Variants in FECH observed in about 807,000 individuals in gnomAD.
FECH encodes ferrochelatase.
FECH carries 40 observed loss-of-function variants against 56.9 expected under a neutral mutation model. The observed-to-expected ratio is 0.70, with a 90% CI of 0.55 to 0.92. The LOEUF (loss-of-function observed/expected upper bound fraction) is 0.92. FECH is among the 40% of genes least tolerant of loss of function. The pLI, the probability that FECH is intolerant of heterozygous loss-of-function variation, is 0.00. For missense variants in FECH, 431 were observed against 529.1 expected (o/e 0.81, Z 1.82); for synonymous variants, 175 against 198.6 (o/e 0.88, Z 1.00).
intron 1 of FECH, among the ~76,000 whole-genome samples, chr18:57,585,373 C>A (rs2051352602): frequency 6.6e-6 from 1 of 152,190 alleles, no homozygotes. Context: ...ACCTAGACTA[C>A]AAATAATTTA....
At chr18:57,572,559 A>G (rs1226935238) in intron 3 of FECH, among the ~76,000 whole-genome samples, 1 of 116,592 alleles carries the variant, frequency 8.6e-6, no homozygotes, top group Non-Finnish European at 1.7e-5. Context: ...AATATAGTAC[A>G]TAAGTACCTT....
intron 1 of FECH, 61 bp downstream of exon 1, chr18:57,586,493 G>A: frequency 2.7e-6 from 4 of 1,493,696 alleles, no homozygotes; most frequent in East Asian, 2.6e-5. Context: ...CCAGCTGCCC[G>A]CTCTGCCCAC....
intron 5 of FECH, 64 bp from the exon 6 acceptor site, chr18:57,563,044 C>T (rs865874962): frequency 1.1e-5 from 14 of 1,315,908 alleles, no homozygotes; most frequent in Admixed American, 1.9e-5. Context: ...AAAACAGACT[C>T]GTAAAGGTAG....
chr18:57,553,140 C>T (rs950211179), intron 9 of FECH, among the ~76,000 whole-genome samples: 1 of 152,104 alleles, frequency 6.6e-6, no homozygotes, highest in African/African-American at 2.4e-5. Flanking sequence ...TATATTTTCA[C>T]TGAAGTTTTA....
At chr18:57,564,698 A>C (rs1299698990) in intron 5 of FECH, among the ~76,000 whole-genome samples, 1 of 152,256 alleles carries the variant, frequency 6.6e-6, no homozygotes, top group Non-Finnish European at 1.5e-5. Context: ...AAGGTTCAGA[A>C]ACAATCTCTC....
intron 5 of FECH, among the ~76,000 whole-genome samples, chr18:57,563,449 G>A (rs571949654): frequency 2.0e-4 from 30 of 151,824 alleles, no homozygotes; most frequent in Non-Finnish European, 3.5e-4. Flanking sequence ...AGGCATGGTG[G>A]TGCACCTGTA....
rs1034082848 is a variant in FECH, at chr18:57,546,048, A to G, written c.*4664T>C. 3.9e-5 allele frequency among the ~76,000 whole-genome samples: 6 copies of G among 152,176 alleles called. No individual in the cohort carries two copies. The highest frequency in any genetic ancestry group is 1.2e-4 in the African/African-American group (5 of 41,440). ...CTATTAAAAATTGAGAAGCTGAATA[A>G]TCTTAATTTAGGGCATTAGTTTCCG... On this transcript the variant is annotated 3_prime_UTR_variant, in exon 11 of 11. Coordinates refer to ENST00000262093, the MANE Select transcript of FECH (RefSeq NM_000140.5).
chr18:57,556,644 C>T (rs2050870965), intron 7 of FECH, among the ~76,000 whole-genome samples: 1 of 152,140 alleles, frequency 6.6e-6, no homozygotes, highest in South Asian at 2.1e-4. Context: ...GGCGTGGCGC[C>T]TCACACCTAC....
Position 57,554,828 on chromosome 18 carries a change from G to A in FECH, c.912+17C>T. ...ACCAATAAGAGCTGGCCGCCCGCCA[G>A]TGTGGAAGCCACTTACCTTGGATTG... On this transcript the variant is annotated intron_variant, in intron 8 of 10. Coordinates refer to ENST00000262093, the MANE Select transcript of FECH (RefSeq NM_000140.5). 1 of 1,602,482 alleles carries A rather than the reference G, an allele frequency of 6.2e-7. No individual in the cohort carries two copies. The highest frequency in any genetic ancestry group is 8.6e-7 in the Non-Finnish European group (1 of 1,169,276).
rs2050771738 is a variant in FECH at position 57,549,716 on chromosome 18, AC to A, written c.*995del. ...TAACAGTTATTGCATTAAAGTGGTT[AC>A]TTTTCTGTATTCTTCACATGTCCCA... is the stretch of plus-strand genomic sequence containing the variant. On this transcript the variant is annotated 3_prime_UTR_variant, in exon 11 of 11. Transcript: ENST00000262093. 1 of 152,250 alleles carries A rather than the reference AC, an allele frequency of 6.6e-6. No homozygotes were observed. Among genetic ancestry groups the A allele is most frequent in the African/African-American group, 2.4e-5 (1 of 41,468 alleles). 9.4% of individuals were successfully genotyped at this position (152,250 alleles called of 1,614,324 possible). A position where few individuals can be genotyped will look rare whatever the true frequency, so the allele number is the denominator to read the frequency against.
At chr18:57,581,101 G>A (rs1181188805) in intron 1 of FECH, among the ~76,000 whole-genome samples, 1 of 152,194 alleles carries the variant, frequency 6.6e-6, no homozygotes, top group Admixed American at 6.5e-5. Flanking sequence ...TCAGTCAGAG[G>A]CAACTCTCCA....
intron 4 of FECH, among the ~76,000 whole-genome samples, chr18:57,567,073 G>C (rs898482721): frequency 6.6e-6 from 1 of 151,988 alleles, no homozygotes; most frequent in Non-Finnish European, 1.5e-5. Context: ...TGGAATTAGA[G>C]CCTGGGTCTC....
chr18:57,551,698 T>G (rs2050800286), intron 9 of FECH, among the ~76,000 whole-genome samples: 1 of 152,226 alleles, frequency 6.6e-6, no homozygotes, highest in Non-Finnish European at 1.5e-5. Flanking sequence ...ACCATTCTTT[T>G]TTTATTCTCT....
intron 6 of FECH, among the ~76,000 whole-genome samples, chr18:57,562,372 T>C (rs2050956279): frequency 6.6e-6 from 1 of 152,176 alleles, no homozygotes; most frequent in Non-Finnish European, 1.5e-5. Context: ...TAAATATAAA[T>C]TGCATAGAAG....
At position 57,554,361 on chromosome 18, in the gene FECH, C is replaced by G; in HGVS notation, c.976G>C (p.Gly326Arg). Residue 326 changes from glycine (G) to arginine (R), a missense_variant, in exon 9 of 11, where the codon GGG becomes CGG. By Grantham distance (125) the Gly-to-Arg change is moderately radical. Coordinates refer to ENST00000262093, the MANE Select transcript of FECH (RefSeq NM_000140.5). ...GGAACCAAGAGGATATTCTTCCTCCCCCTCTCACAAAGCCCTTTGATAGAT... is the reference window on the plus strand; with the variant it reads ...GGAACCAAGAGGATATTCTTCCTCCGCCTCTCACAAAGCCCTTTGATAGAT... ...DESIKGLCER[G>R]RKNILLVPIA... 1 of 1,614,196 alleles carries G rather than the reference C, an allele frequency of 6.2e-7. No homozygotes were observed. The highest frequency in any genetic ancestry group is 8.5e-7 in the Non-Finnish European group (1 of 1,180,030).
intron 6 of FECH, among the ~76,000 whole-genome samples, chr18:57,561,325 CA>C (rs1182297369): frequency 6.6e-6 from 1 of 152,044 alleles, no homozygotes; most frequent in Non-Finnish European, 1.5e-5. Context: ...TTCTGGTTTC[CA>C]AAAATGTCAT....
intron 5 of FECH, among the ~76,000 whole-genome samples, chr18:57,563,655 AT>A (rs1475180048): frequency 2.0e-5 from 3 of 150,814 alleles, no homozygotes; most frequent in African/African-American, 7.4e-5. Flanking sequence ...ATTATAGGAA[AT>A]GTATGCGATG....
intron 4 of FECH, among the ~76,000 whole-genome samples, chr18:57,570,567 A>G (rs940290087): frequency 1.3e-5 from 2 of 152,218 alleles, no homozygotes; most frequent in Non-Finnish European, 2.9e-5. Context: ...TCACACACCT[A>G]TCCTGATCCC....
chr18:57,570,618 TC>T (rs898523256), intron 4 of FECH, among the ~76,000 whole-genome samples: 1 of 152,272 alleles, frequency 6.6e-6, no homozygotes, highest in Non-Finnish European at 1.5e-5. Flanking sequence ...AATTCATGTG[TC>T]CTAAGATGTA....
Sources: allele counts gnomAD v4.1 joint callset (sites outside exome capture counted in the v4.1 genomes callset), GRCh38; gene constraint gnomAD v4.1.1; transcripts MANE v1.5; gene names NCBI Gene and HGNC (gene_info 2026-07-23, HGNC 2026-07-21).